The following VWA8 variants were observed in gnomAD, a reference collection of about 807,000 sequenced individuals.
The protein encoded by VWA8 is von Willebrand factor A domain-containing protein 8.
In VWA8, 221 loss-of-function variants were observed where a neutral mutation model predicts 241.5. The observed-to-expected ratio is 0.91, with a 90% confidence interval of 0.82 to 1.02. The LOEUF (loss-of-function observed/expected upper bound fraction) is 1.02, where lower values mean the gene tolerates loss of function less well. Among genes scored for constraint, VWA8 ranks in the 50% least tolerant of loss-of-function variants. The pLI is 0.00. For synonymous variants in VWA8, 852 were observed against 827.1 expected (o/e 1.03, Z -0.52); for missense variants, 2,322 against 2,328.7 (o/e 1.00, Z 0.06).
At chr13:41,830,225 A>G (rs1871382896) in intron 14 of VWA8, among the ~76,000 whole-genome samples, 1 of 150,450 alleles carries the variant, frequency 6.6e-6, no homozygotes, top group Admixed American at 6.6e-5. Flanking sequence ...CCTGGGTGAC[A>G]GAGCGAGACT....
intron 9 of VWA8, among the ~76,000 whole-genome samples, chr13:41,872,517 C>G (rs945484688): frequency 3.9e-5 from 6 of 152,116 alleles, no homozygotes; most frequent in South Asian, 2.1e-4. Flanking sequence ...TTTCAGCTTT[C>G]TACATATGGC....
At chr13:41,960,735 G>C (rs1285599710) in intron 1 of VWA8, 118 bp downstream of exon 1, 1 of 1,348,624 alleles carries the variant, frequency 7.4e-7, no homozygotes. Flanking sequence ...TCAGCTCCCC[G>C]CTCGGCAAAC....
intron 20 of VWA8, among the ~76,000 whole-genome samples, chr13:41,775,318 A>G (rs956646896): frequency 1.3e-5 from 2 of 152,236 alleles, no homozygotes; most frequent in African/African-American, 4.8e-5. Context: ...TTTTGATATG[A>G]AAAGGGTCAG....
intron 2 of VWA8, among the ~76,000 whole-genome samples, chr13:41,913,063 A>G (rs1479428321): frequency 6.6e-6 from 1 of 152,202 alleles, no homozygotes; most frequent in Non-Finnish European, 1.5e-5. Flanking sequence ...ATACAGCAAC[A>G]AAAACAGAAT....
intron 21 of VWA8, among the ~76,000 whole-genome samples, chr13:41,741,582 C>G (rs905329043): frequency 6.6e-6 from 1 of 152,188 alleles, no homozygotes; most frequent in African/African-American, 2.4e-5. Context: ...TGTCTATAGA[C>G]AAGGGTATAA....
chr13:41,664,507 T>G (rs188721673), intron 37 of VWA8, among the ~76,000 whole-genome samples: 26 of 151,972 alleles, frequency 1.7e-4, no homozygotes, highest in Admixed American at 1.2e-3. Context: ...CTTCCTTGAG[T>G]CTAAGTAAAA....
rs112536133 is a variant in VWA8 at position 41,957,058 on chromosome 13, T to C, written c.163+3795A>G. Among the ~76,000 whole-genome samples, 566 of 152,188 alleles carry C rather than the reference T, an allele frequency of 3.7e-3. 3 individuals are homozygous for C. The highest frequency in any genetic ancestry group is 0.013 in the African/African-American group (539 of 41,514). Reference sequence around the variant, plus strand: ...GAGTTCGAGACCAGCCTGGCCAACATGGTGAAACCCCATCTCTACCAAAAA... The same window carrying C: ...GAGTTCGAGACCAGCCTGGCCAACACGGTGAAACCCCATCTCTACCAAAAA... On this transcript the variant is annotated intron_variant, in intron 1 of 44. Coordinates refer to ENST00000379310, the MANE Select transcript of VWA8 (RefSeq NM_015058.2).
chr13:41,881,522 C>CCT (rs1555347031), intron 9 of VWA8, among the ~76,000 whole-genome samples: 12 of 145,688 alleles, frequency 8.2e-5, no homozygotes, highest in Non-Finnish European at 1.4e-4. Context: ...CCTTTCCCCC[C>CCT]TTCTGTTCCA....
intron 42 of VWA8, among the ~76,000 whole-genome samples, chr13:41,585,856 A>G (rs11843167): frequency 7.0e-6 from 1 of 142,748 alleles, no homozygotes; most frequent in African/African-American, 2.6e-5. Context: ...AGAGTGAGAC[A>G]CCGTCTTAAA....
At chr13:41,937,173 T>C (rs976188214) in intron 2 of VWA8, among the ~76,000 whole-genome samples, 4 of 152,176 alleles carry the variant, frequency 2.6e-5, no homozygotes, top group African/African-American at 9.7e-5. Flanking sequence ...ACCAACCTTT[T>C]TGATACCAGG....
intron 35 of VWA8, among the ~76,000 whole-genome samples, chr13:41,684,300 T>C (rs1044529102): frequency 3.3e-5 from 5 of 151,970 alleles, no homozygotes; most frequent in African/African-American, 1.2e-4. Flanking sequence ...TCCACACTAA[T>C]ACAATGCATA....
chr13:41,586,103 C>T (rs1337135863), intron 42 of VWA8, among the ~76,000 whole-genome samples: 3 of 151,376 alleles, frequency 2.0e-5, no homozygotes. Flanking sequence ...TAATCTATCT[C>T]ATACTAGAAA....
rs541071984 is a variant in VWA8, at chr13:41,652,146, T to C, written c.4611+18800A>G. On this transcript the variant is annotated intron_variant, in intron 37 of 44. Transcript: ENST00000379310. Reference sequence around the variant, plus strand: ...ACTTCCTGTTCACCTGAGACCCTCCTGGCCTGTGTCCCCATCCACATTGCC... The same window carrying C: ...ACTTCCTGTTCACCTGAGACCCTCCCGGCCTGTGTCCCCATCCACATTGCC... Among the ~76,000 whole-genome samples the C allele has an allele frequency of 3.3e-5, 5 of 152,348 alleles. No homozygotes were observed. The East Asian group carries it at 7.7e-4, about 23-fold the overall frequency.
Position 41,926,673 on chromosome 13 carries a change from T to C in VWA8, c.242-14505A>G, listed in dbSNP as rs781349611. On this transcript the variant is annotated intron_variant, in intron 2 of 44. Coordinates refer to ENST00000379310, the MANE Select transcript of VWA8 (RefSeq NM_015058.2). ...ATGGTTTCAGGGATGGTAAAGCATATTACAGGCAGTTACAAGGTCAGCTAC... is the reference window on the plus strand; with the variant it reads ...ATGGTTTCAGGGATGGTAAAGCATACTACAGGCAGTTACAAGGTCAGCTAC... 1.1e-5 allele frequency: 6 copies of C among 540,472 alleles called. No homozygotes were observed. The East Asian group carries it at 2.0e-4, about 18-fold the overall frequency. 33.5% of individuals were successfully genotyped at this position (540,472 alleles called of 1,614,324 possible).
intron 37 of VWA8, among the ~76,000 whole-genome samples, chr13:41,666,215 C>T (rs2044984810): frequency 1.3e-5 from 2 of 152,138 alleles, no homozygotes; most frequent in Non-Finnish European, 2.9e-5. Flanking sequence ...GGAGTGCTAT[C>T]TTACTTCAGG....
chr13:41,749,096 T>C lies in VWA8; in HGVS notation c.2426+12032A>G, dbSNP rs182755546. On this transcript the variant is annotated intron_variant, in intron 21 of 44. Coordinates refer to ENST00000379310, the MANE Select transcript of VWA8 (RefSeq NM_015058.2). ...AACCTACAGAATAGAAGAAAATTTT[T>C]GCAATCTACTCATCTGACAAAGGGC... Among the ~76,000 whole-genome samples, 660 of 152,204 alleles carry C rather than the reference T, an allele frequency of 4.3e-3. 13 individuals are homozygous for C. The highest frequency in any genetic ancestry group is 8.1e-3 in the South Asian group (39 of 4,828).
rs75443680 is a variant in VWA8 at position 41,594,900 on chromosome 13, T to C, written c.4987-4135A>G. 1.6e-3 allele frequency among the ~76,000 whole-genome samples: 243 copies of C among 152,330 alleles called. 1 individual carries two copies. The highest frequency in any genetic ancestry group is 5.5e-3 in the African/African-American group (229 of 41,580). On this transcript the variant is annotated intron_variant, in intron 40 of 44. Transcript: ENST00000379310. ...TCCAATAAGATTTACAAAGGCAAGA[T>C]TCCCCCAAGGGGAAGAATTTGGGTT...
chr13:41,846,495 C>A (rs1340627693), intron 12 of VWA8, among the ~76,000 whole-genome samples: 1 of 152,066 alleles, frequency 6.6e-6, no homozygotes, highest in African/African-American at 2.4e-5. Context: ...ATGCCTGGCA[C>A]CTAATGGTTA....
At chr13:41,573,874 G>A (rs534347780) in intron 43 of VWA8, among the ~76,000 whole-genome samples, 9 of 151,706 alleles carry the variant, frequency 5.9e-5, no homozygotes, top group African/African-American at 2.2e-4. Context: ...TGCCCGCCTC[G>A]GCCTCCCGGG....
Sources: allele counts gnomAD v4.1 joint callset (sites outside exome capture counted in the v4.1 genomes callset), GRCh38; gene constraint gnomAD v4.1.1; transcripts MANE v1.5; gene names NCBI Gene and HGNC (gene_info 2026-07-23, HGNC 2026-07-21).